The following FSTL1 variants were observed in gnomAD, a reference collection of about 807,000 sequenced individuals.
The protein encoded by FSTL1 is follistatin like 1, also known as follistatin-related protein 1.
In FSTL1, 24 loss-of-function variants were observed where a neutral mutation model predicts 45.9. The observed-to-expected ratio is 0.52, with a 90% confidence interval of 0.38 to 0.74. The LOEUF (loss-of-function observed/expected upper bound fraction) is 0.74. Ranked by LOEUF, FSTL1 falls within the 30% of genes least tolerant of loss-of-function variation. The pLI is 0.00. For synonymous variants in FSTL1, 120 were observed against 137.6 expected, an observed-to-expected ratio of 0.87 and a Z score of 0.89; for missense variants, 340 against 381.8, an observed-to-expected ratio of 0.89 and a Z score of 0.91.
chr3:120,411,152 G>A (rs1937043298), intron 4 of FSTL1, 168 bp from the exon 5 acceptor site: 4 of 561,932 alleles, frequency 7.1e-6, no homozygotes, highest in South Asian at 2.1e-5. Context: ...GCCCAGGTAT[G>A]AGGATCTTCT....
intron 5 of FSTL1, 191 bp from the exon 6 acceptor site, chr3:120,409,853 T>G: frequency 2.4e-6 from 1 of 418,390 alleles, no homozygotes; most frequent in Non-Finnish European, 4.2e-6. Flanking sequence ...CACCCATCTC[T>G]AAAATATTTG....
intron 2 of FSTL1, among the ~76,000 whole-genome samples, chr3:120,417,868 T>C (rs1937214050): frequency 6.6e-6 from 1 of 152,188 alleles, no homozygotes; most frequent in Non-Finnish European, 1.5e-5. Context: ...TTTTCATTCT[T>C]TAAGGCTCAC....
chr3:120,416,052 A>C (rs1559738453), intron 2 of FSTL1, 25 bp from the exon 3 acceptor site: 2 of 1,483,506 alleles, frequency 1.3e-6, no homozygotes, highest in Non-Finnish European at 1.9e-6. Flanking sequence ...CATAAAGGAA[A>C]CCGTGTGACT....
intron 3 of FSTL1, among the ~76,000 whole-genome samples, chr3:120,412,805 A>AAC (rs1158502140): frequency 2.1e-5 from 3 of 143,092 alleles, no homozygotes; most frequent in Non-Finnish European, 4.5e-5. Context: ...CAGGCAGGCA[A>AAC]ACACACACAC....
intron 3 of FSTL1, among the ~76,000 whole-genome samples, chr3:120,415,321 A>G (rs1160150266): frequency 9.9e-5 from 15 of 152,238 alleles, no homozygotes; most frequent in Non-Finnish European, 4.4e-5. Context: ...ATGTCCATCT[A>G]TGGGAAAATG....
At chr3:120,412,977 G>A (rs537614500) in intron 3 of FSTL1, among the ~76,000 whole-genome samples, 2 of 152,238 alleles carry the variant, frequency 1.3e-5, no homozygotes, top group South Asian at 4.2e-4. Context: ...TGTGAAGCTA[G>A]GAGTAGGGTT....
intron 3 of FSTL1, among the ~76,000 whole-genome samples, chr3:120,415,457 CTG>C (rs1287289317): frequency 6.6e-6 from 1 of 152,170 alleles, no homozygotes; most frequent in Non-Finnish European, 1.5e-5. Context: ...AGAATACAAA[CTG>C]TATATATCTA....
chr3:120,441,982 G>A (rs1937633739), intron 2 of FSTL1, among the ~76,000 whole-genome samples: 1 of 152,180 alleles, frequency 6.6e-6, no homozygotes. Context: ...TTCCTCTCGA[G>A]GAAAAATCAG....
chr3:120,403,453 G>A (rs1936868782), intron 7 of FSTL1, 99 bp from the exon 8 acceptor site: 2 of 699,988 alleles, frequency 2.9e-6, no homozygotes, highest in Non-Finnish European at 2.5e-6. Context: ...GGCCTCCACA[G>A]GAGGCCAAGA....
chr3:120,433,120 G>A (rs1038472480), intron 2 of FSTL1, among the ~76,000 whole-genome samples: 2 of 152,184 alleles, frequency 1.3e-5, no homozygotes, highest in Non-Finnish European at 1.5e-5. Context: ...AGAATTTAAT[G>A]CTTTATTTCA....
rs916945291 is a variant in FSTL1, at chr3:120,394,828, C to G, written c.*2124G>C. On this transcript the variant is annotated 3_prime_UTR_variant, in exon 11 of 11. Coordinates refer to ENST00000295633, the MANE Select transcript of FSTL1 (RefSeq NM_007085.5). ...CTATTTACACAGAAGCTGCAGAACTCAAGAGGAATGTGGATTTGCTCTTGG... is the reference window on the plus strand; with the variant it reads ...CTATTTACACAGAAGCTGCAGAACTGAAGAGGAATGTGGATTTGCTCTTGG... 3 of 152,228 alleles carry G rather than the reference C, an allele frequency of 2.0e-5. No homozygotes were observed. Among genetic ancestry groups the G allele is most frequent in the Admixed American group, 2.0e-4 (3 of 15,284 alleles). 9.4% of individuals were successfully genotyped at this position (152,228 alleles called of 1,614,324 possible). A position where few individuals can be genotyped will look rare whatever the true frequency, so the allele number is the denominator to read the frequency against.
chr3:120,435,986 C>G (rs1733304), intron 2 of FSTL1, among the ~76,000 whole-genome samples: 88,277 of 151,770 alleles, frequency 0.58, 28,756 homozygotes, highest in East Asian at 0.75. Context: ...GTAAAATGAC[C>G]AACATAGTGG....
intron 2 of FSTL1, among the ~76,000 whole-genome samples, chr3:120,429,910 A>G (rs939204300): frequency 1.3e-5 from 2 of 152,194 alleles, no homozygotes; most frequent in African/African-American, 2.4e-5. Flanking sequence ...TTACAGCAAT[A>G]AAGTGGTCAG....
chr3:120,400,145 A>G, intron 9 of FSTL1, 186 bp from the exon 10 acceptor site: 1 of 599,166 alleles, frequency 1.7e-6, no homozygotes, highest in East Asian at 2.8e-5. Context: ...CCAAGGTAAC[A>G]CATTGTAACA....
intron 5 of FSTL1, 60 bp from the exon 6 acceptor site, chr3:120,409,722 G>A: frequency 1.9e-6 from 3 of 1,566,814 alleles, no homozygotes; most frequent in South Asian, 1.1e-5. Flanking sequence ...GTGATATCTG[G>A]CACCCACTGT....
intron 2 of FSTL1, among the ~76,000 whole-genome samples, chr3:120,431,278 G>A (rs762073170): frequency 6.6e-6 from 1 of 152,044 alleles, no homozygotes; most frequent in Non-Finnish European, 1.5e-5. Context: ...GCCTCTGGAA[G>A]GTACCTTTTA....
At chr3:120,403,957 AAAACAAAAACAAAAAC>A (rs754889148) in intron 7 of FSTL1, among the ~76,000 whole-genome samples, 19,421 of 93,780 alleles carry the variant, frequency 0.21, 1,807 homozygotes, top group East Asian at 0.49. Flanking sequence ...AAAACAAAAC[AAAACAAAAACAAAAAC>A]AAAAAAAAAC....
chr3:120,424,332 G>A (rs1006577537), intron 2 of FSTL1, among the ~76,000 whole-genome samples: 1 of 152,154 alleles, frequency 6.6e-6, no homozygotes, highest in Non-Finnish European at 1.5e-5. Flanking sequence ...CCAAAAAGGA[G>A]CAGAGGATGT....
At chr3:120,404,543 T>C (rs1026146329) in intron 7 of FSTL1, among the ~76,000 whole-genome samples, 22 of 152,352 alleles carry the variant, frequency 1.4e-4, no homozygotes, top group African/African-American at 4.8e-4. Flanking sequence ...AGAAAATTAA[T>C]CAGTAAAACA....
Sources: allele counts gnomAD v4.1 joint callset (sites outside exome capture counted in the v4.1 genomes callset), GRCh38; gene constraint gnomAD v4.1.1; transcripts MANE v1.5; gene names NCBI Gene and HGNC (gene_info 2026-07-23, HGNC 2026-07-21).